Variants in CUL3 observed in about 807,000 individuals in gnomAD.
CUL3 encodes the protein cullin 3.
CUL3 carries 19 observed loss-of-function variants against 89.1 expected under a neutral mutation model. That is an observed-to-expected ratio of 0.21 (90% CI 0.15 to 0.31). The LOEUF is 0.31. Among genes scored for constraint, CUL3 ranks in the 10% least tolerant of loss-of-function variants. The pLI is 1.00. For missense variants in CUL3, 469 were observed against 942.3 expected, an observed-to-expected ratio of 0.50 and a Z score of 6.58; for synonymous variants, 351 against 308.4, an observed-to-expected ratio of 1.14 and a Z score of -1.45.
intron 1 of CUL3, 94 bp from the exon 2 acceptor site, chr2:224,557,950 A>C (rs1174700286): frequency 1.5e-6 from 1 of 676,180 alleles, no homozygotes; most frequent in Non-Finnish European, 2.5e-6. Flanking sequence ...TATAGTAAAT[A>C]TTGTATTATA....
intron 1 of CUL3, among the ~76,000 whole-genome samples, chr2:224,567,070 C>T (rs944143141): frequency 1.6e-4 from 24 of 152,120 alleles, no homozygotes; most frequent in Admixed American, 3.9e-4. Flanking sequence ...GGGGGCACGT[C>T]GAATGGGTTC....
At chr2:224,501,184 T>C (rs1439734764) in intron 10 of CUL3, among the ~76,000 whole-genome samples, 1 of 152,180 alleles carries the variant, frequency 6.6e-6, no homozygotes, top group Non-Finnish European at 1.5e-5. Flanking sequence ...TTTAAAATAT[T>C]TTTACTATCT....
At chr2:224,487,437 C>CAA (rs1691770841) in intron 13 of CUL3, among the ~76,000 whole-genome samples, 1 of 92,668 alleles carries the variant, frequency 1.1e-5, no homozygotes, top group Non-Finnish European at 2.3e-5. Context: ...CCAAGCCCGC[C>CAA]CCCCCCAAAA....
rs1283370423 is a variant in CUL3 at position 224,538,851 on chromosome 2, T to TA, written c.265-3211dup. On this transcript the variant is annotated intron_variant, in intron 2 of 15. Transcript: ENST00000264414. ...GTGGATCACAAATCAGGCAGAAAAT[T>TA]AGAGTCACCCGAAGAGCTTTTACAA... 4.1e-4 allele frequency among the ~76,000 whole-genome samples: 62 copies of TA among 152,088 alleles called. 1 individual carries two copies. Among genetic ancestry groups the TA allele is most frequent in the Non-Finnish European group, 1.6e-4 (11 of 68,012 alleles).
chr2:224,567,807 T>C (rs1194898486), intron 1 of CUL3, among the ~76,000 whole-genome samples: 1 of 151,772 alleles, frequency 6.6e-6, no homozygotes, highest in Non-Finnish European at 1.5e-5. Flanking sequence ...TCCAACCTCA[T>C]GGAATCTACT....
chr2:224,549,508 C>G (rs1463041728), intron 2 of CUL3, among the ~76,000 whole-genome samples: 1 of 152,098 alleles, frequency 6.6e-6, no homozygotes, highest in Non-Finnish European at 1.5e-5. Flanking sequence ...TAGATTAATA[C>G]TTTAAATCCC....
At chr2:224,516,057 C>G (rs1693028764) in intron 3 of CUL3, among the ~76,000 whole-genome samples, 1 of 152,162 alleles carries the variant, frequency 6.6e-6, no homozygotes, top group Non-Finnish European at 1.5e-5. Context: ...CTCCAACCTT[C>G]TCCTTTCATT....
intron 13 of CUL3, among the ~76,000 whole-genome samples, chr2:224,483,322 A>G (rs1428936886): frequency 6.6e-6 from 1 of 152,312 alleles, no homozygotes; most frequent in Non-Finnish European, 1.5e-5. Context: ...ACTATTACCA[A>G]AAGTATTTTA....
chr2:224,575,794 T>C (rs1574708783), intron 1 of CUL3, among the ~76,000 whole-genome samples: 1 of 152,200 alleles, frequency 6.6e-6, no homozygotes, highest in African/African-American at 2.4e-5. Flanking sequence ...AAATGCAAAA[T>C]GGAAGTTTGA....
Position 224,512,400 on chromosome 2 carries a change from C to G in CUL3, c.655-818G>C, listed in dbSNP as rs2106218230. 2.6e-5 allele frequency among the ~76,000 whole-genome samples: 4 copies of G among 152,242 alleles called. No homozygotes were observed. The Middle Eastern group carries it at 0.01, about 388-fold the overall frequency. Reference sequence around the variant, plus strand: ...CGTGAGCCACTGTGCCCGGCCAACACTTTAGCTTCCTACGAATACATCTGT... The same window carrying G: ...CGTGAGCCACTGTGCCCGGCCAACAGTTTAGCTTCCTACGAATACATCTGT... On this transcript the variant is annotated intron_variant, in intron 5 of 15. Transcript: ENST00000264414.
intron 3 of CUL3, among the ~76,000 whole-genome samples, chr2:224,534,825 A>G (rs538678002): frequency 6.6e-6 from 1 of 151,910 alleles, no homozygotes; most frequent in East Asian, 1.9e-4. Flanking sequence ...TACTAAAAAG[A>G]AAAATAAAAT....
rs188890085 is a variant in CUL3 at position 224,585,210 on chromosome 2, G to C, written c.-201C>G. ...CGGCGGCGGCGGCGGCTCGGACTCTGGCGACTCCGATGCGGCTGGGGGGCT... is the reference window on the plus strand; with the variant it reads ...CGGCGGCGGCGGCGGCTCGGACTCTCGCGACTCCGATGCGGCTGGGGGGCT... On this transcript the variant is annotated 5_prime_UTR_variant, in exon 1 of 16. Transcript: ENST00000264414. The C allele has an allele frequency of 0.013, 4,668 of 362,522 alleles. 296 individuals carry two copies. The East Asian group carries it at 0.15, about 11-fold the overall frequency. The allele number at this position is 362,522 out of a possible 1,614,324, so 22.5% of individuals were successfully genotyped here.
chr2:224,497,752 CCT>C lies in CUL3; in HGVS notation c.1706_1707del (p.Lys569ArgfsTer5). On this transcript the variant is annotated frameshift_variant and splice_region_variant, in exon 12 of 16. Transcript: ENST00000264414. LOFTEE classifies it high-confidence loss of function. The stretch of plus-strand genomic sequence containing the variant: ...AATACGTTCAAACTATCAATATTTA[CCT>C]TTTTAACTGGTCCATAAAATGTGGC... ...LNATFYGPVK[K>X]EDGSEVGVGG... 1 of 1,607,550 alleles carries C rather than the reference CCT, an allele frequency of 6.2e-7. No homozygotes were observed. The highest frequency in any genetic ancestry group is 8.5e-7 in the Non-Finnish European group (1 of 1,174,162).
At chr2:224,569,590 A>T in intron 1 of CUL3, 1 of 573,654 alleles carries the variant, frequency 1.7e-6, no homozygotes, top group Non-Finnish European at 2.2e-6. Flanking sequence ...TGTTTTCTTT[A>T]AAGCAAAATC....
intron 10 of CUL3, among the ~76,000 whole-genome samples, chr2:224,502,501 C>T (rs571293753): frequency 5.9e-5 from 9 of 152,208 alleles, no homozygotes; most frequent in East Asian, 5.8e-4. Flanking sequence ...TCACCTGCTA[C>T]GCACCCTTAG....
chr2:224,561,837 T>C (rs1427064633), intron 1 of CUL3, among the ~76,000 whole-genome samples: 1 of 152,242 alleles, frequency 6.6e-6, no homozygotes, highest in Non-Finnish European at 1.5e-5. Flanking sequence ...TTTAGTTTGT[T>C]GACTACATAT....
chr2:224,506,830 A>T lies in CUL3; in HGVS notation c.1029+28T>A, dbSNP rs199901602. 3.1e-4 allele frequency: 498 copies of T among 1,608,658 alleles called. 3 individuals carry two copies. The highest frequency in any genetic ancestry group is 7.2e-4 in the South Asian group (65 of 90,168). On this transcript the variant is annotated intron_variant, in intron 7 of 15. Coordinates refer to ENST00000264414, the MANE Select transcript of CUL3 (RefSeq NM_003590.5). Reference sequence around the variant, plus strand: ...ACTTGTCAAAATGCCTTTATCATAAACACAGAGAATCTTCTGGGTTTACTT... The same window carrying T: ...ACTTGTCAAAATGCCTTTATCATAATCACAGAGAATCTTCTGGGTTTACTT...
intron 15 of CUL3, among the ~76,000 whole-genome samples, chr2:224,475,098 A>G (rs896455474): frequency 1.3e-5 from 2 of 152,094 alleles, no homozygotes; most frequent in Non-Finnish European, 2.9e-5. Flanking sequence ...GCTCACTGCA[A>G]GCTCCGCCTC....
At chr2:224,576,328 C>G (rs1452429713) in intron 1 of CUL3, among the ~76,000 whole-genome samples, 1 of 146,636 alleles carries the variant, frequency 6.8e-6, no homozygotes, top group Non-Finnish European at 1.5e-5. Context: ...AAAGACTGGA[C>G]CGCAGACTAA....
Sources: allele counts gnomAD v4.1 joint callset (sites outside exome capture counted in the v4.1 genomes callset), GRCh38; gene constraint gnomAD v4.1.1; transcripts MANE v1.5; gene names NCBI Gene and HGNC (gene_info 2026-07-23, HGNC 2026-07-21).